Variants in FBXO45 observed in about 807,000 individuals in gnomAD.
FBXO45 encodes the protein F-box/SPRY domain-containing protein 1.
A neutral mutation model predicts 25.5 loss-of-function variants in FBXO45; 3 were observed. That is an observed-to-expected ratio of 0.12 (90% CI 0.05 to 0.30). The LOEUF is 0.30. Among genes scored for constraint, FBXO45 ranks in the 10% least tolerant of loss-of-function variants. The probability of loss-of-function intolerance (pLI) is 1.00; values close to 1 mark genes in which losing one functional copy is unlikely to be tolerated. For missense variants in FBXO45, 219 were observed against 365.0 expected (o/e 0.60, Z 3.26); for synonymous variants, 155 against 149.8 (o/e 1.03, Z -0.25).
At chr3:196,579,810 T>C (rs1735978116) in intron 2 of FBXO45, among the ~76,000 whole-genome samples, 1 of 152,226 alleles carries the variant, frequency 6.6e-6, no homozygotes, top group Non-Finnish European at 1.5e-5. Context: ...ATTTTGGAGC[T>C]CTGTTACTAC....
At chr3:196,573,187 G>A (rs930984133) in intron 1 of FBXO45, among the ~76,000 whole-genome samples, 2 of 152,152 alleles carry the variant, frequency 1.3e-5, no homozygotes, top group South Asian at 4.1e-4. Flanking sequence ...TTTTGGGAGA[G>A]CAGCATTTAC....
rs546690133 is a variant in FBXO45 at position 196,584,475 on chromosome 3, C to T, written c.*157C>T. The stretch of plus-strand genomic sequence containing the variant: ...GCAGCTCTACAGCAGAGATTATCTT[C>T]GTGTTTCCTCTTTCTACTGGGCCAG... On this transcript the variant is annotated 3_prime_UTR_variant, in exon 3 of 3. Coordinates refer to ENST00000311630, the MANE Select transcript of FBXO45 (RefSeq NM_001105573.2). The surrounding 1 kb of genome is among the most constrained non-coding windows in gnomAD (Gnocchi z 4.3). The T allele has an allele frequency of 6.5e-4, 420 of 643,676 alleles. No individual in the cohort carries two copies. The highest frequency in any genetic ancestry group is 1.4e-3 in the Middle Eastern group (5 of 3,638). 39.9% of individuals were successfully genotyped at this position (643,676 alleles called of 1,614,324 possible).
Position 196,569,269 on chromosome 3 carries a change from C to T in FBXO45, c.285C>T (p.Asp95=). The change falls in exon 1 of 3, where the codon GAC becomes GAT. Residue 95 remains aspartate, a synonymous_variant. Transcript: ENST00000311630. The surrounding 1 kb of genome is among the most constrained non-coding windows in gnomAD (Gnocchi z 4.1). ...RSLAEEALRT[D]ILCNLPSYKA... is the part of the protein sequence containing the mutation. ...TGGCAGAAGAGGCTCTGCGCACGGA[C>T]ATCCTGTGCAACCTGCCCAGCTACA... 6.3e-7 allele frequency: 1 copy of T among 1,581,898 alleles called. No homozygotes were observed. Among genetic ancestry groups the T allele is most frequent in the East Asian group, 2.3e-5 (1 of 43,144 alleles).
chr3:196,572,109 G>A (rs73219677), intron 1 of FBXO45, among the ~76,000 whole-genome samples: 2,206 of 152,282 alleles, frequency 0.014, 27 homozygotes, highest in Admixed American at 0.021. Context: ...TAAAGATGAG[G>A]AGGAGTTTAG....
intron 1 of FBXO45, among the ~76,000 whole-genome samples, chr3:196,571,759 AGG>A (rs1735830106): frequency 1.3e-5 from 2 of 152,256 alleles, no homozygotes; most frequent in African/African-American, 4.8e-5. Context: ...GAGATATTTT[AGG>A]TTTCTGAGGT....
At position 196,584,473 on chromosome 3, in the gene FBXO45, T is replaced by C; in HGVS notation, c.*155T>C. ...AAGCAGCTCTACAGCAGAGATTATC[T>C]TCGTGTTTCCTCTTTCTACTGGGCC... On this transcript the variant is annotated 3_prime_UTR_variant, in exon 3 of 3. Transcript: ENST00000311630. The surrounding 1 kb of genome is among the most constrained non-coding windows in gnomAD (Gnocchi z 4.3). 1 of 660,358 alleles carries C rather than the reference T, an allele frequency of 1.5e-6. No homozygotes were observed. 40.9% of individuals were successfully genotyped at this position (660,358 alleles called of 1,614,324 possible).
chr3:196,576,744 GGGA>G (rs1735920060), intron 1 of FBXO45, among the ~76,000 whole-genome samples: 1 of 152,164 alleles, frequency 6.6e-6, no homozygotes, highest in Non-Finnish European at 1.5e-5. Flanking sequence ...TGCTATCTAA[GGGA>G]TTATTTGATT....
At chr3:196,574,228 C>T (rs952823133) in intron 1 of FBXO45, among the ~76,000 whole-genome samples, 4 of 152,036 alleles carry the variant, frequency 2.6e-5, no homozygotes, top group Non-Finnish European at 5.9e-5. Context: ...CCACCATGCC[C>T]GGCCTATTTT....
intron 1 of FBXO45, among the ~76,000 whole-genome samples, chr3:196,574,755 G>A (rs1027171053): frequency 8.5e-5 from 13 of 152,182 alleles, no homozygotes; most frequent in Admixed American, 3.3e-4. Flanking sequence ...GCAAGCACCC[G>A]GCAGAGAGAG....
At chr3:196,581,049 G>T (rs1449574680) in intron 2 of FBXO45, among the ~76,000 whole-genome samples, 1 of 152,122 alleles carries the variant, frequency 6.6e-6, no homozygotes, top group East Asian at 1.9e-4. Flanking sequence ...GTCTCCCAAA[G>T]TGCTGGGATT....
At chr3:196,570,295 T>C (rs1437758913) in intron 1 of FBXO45, among the ~76,000 whole-genome samples, 1 of 146,738 alleles carries the variant, frequency 6.8e-6, no homozygotes, top group Admixed American at 6.9e-5. Flanking sequence ...CGGAGTGCAA[T>C]GGCGTGATCT....
In FBXO45 at chr3:196,569,206, G is replaced by A; in HGVS notation, c.222G>A (p.Glu74=). The change falls in exon 1 of 3, where the codon GAG becomes GAA. Residue 74 remains glutamate, a synonymous_variant. Transcript: ENST00000311630. This position sits in a 1 kb window ranked among gnomAD's most constrained non-coding sequence, Gnocchi z 4.1. ...KHWYRCLHGD[E]NSEVWRSLCA... ...GGTACCGCTGCCTGCACGGCGATGA[G>A]AACAGCGAGGTGTGGCGGAGCCTGT... The A allele has an allele frequency of 6.3e-7, 1 of 1,575,306 alleles. No individual in the cohort carries two copies. The highest frequency in any genetic ancestry group is 8.6e-7 in the Non-Finnish European group (1 of 1,161,324).
At chr3:196,575,993 C>T (rs9861944) in intron 1 of FBXO45, among the ~76,000 whole-genome samples, 121,969 of 152,180 alleles carry the variant, frequency 0.8, 49,268 homozygotes, top group East Asian at 0.97. Context: ...TTGAATCTTA[C>T]GTTTTGGTCT....
In FBXO45 at chr3:196,586,818, A is replaced by C. The variant is rs569513081; in HGVS notation, c.*2500A>C. The C allele has an allele frequency of 2.7e-4, 41 of 152,232 alleles. No homozygotes were observed. The highest frequency in any genetic ancestry group is 9.9e-4 in the African/African-American group (41 of 41,526). 9.4% of individuals were successfully genotyped at this position (152,232 alleles called of 1,614,324 possible). Reference sequence around the variant, plus strand: ...TGAGCTGGTCATAAGGATTTTTAAAAACTTTCTGGTCATTTCAATATGCTG... The same window carrying C: ...TGAGCTGGTCATAAGGATTTTTAAACACTTTCTGGTCATTTCAATATGCTG... On this transcript the variant is annotated 3_prime_UTR_variant, in exon 3 of 3. Coordinates refer to ENST00000311630, the MANE Select transcript of FBXO45 (RefSeq NM_001105573.2).
intron 2 of FBXO45, among the ~76,000 whole-genome samples, chr3:196,583,066 A>G (rs1353066456): frequency 6.6e-6 from 1 of 152,054 alleles, no homozygotes; most frequent in African/African-American, 2.4e-5. Context: ...ACAACTATAT[A>G]TATTTGAGTA....
At chr3:196,570,844 T>C (rs9875341) in intron 1 of FBXO45, among the ~76,000 whole-genome samples, 35,902 of 151,618 alleles carry the variant, frequency 0.24, 4,450 homozygotes, top group South Asian at 0.31. Context: ...CCTGAGTAGC[T>C]GGGATTACAG....
rs371670055 is a variant in FBXO45 at position 196,582,519 on chromosome 3, CAGGT to C, written c.676-1611_676-1608del. On this transcript the variant is annotated intron_variant, in intron 2 of 2. Coordinates refer to ENST00000311630, the MANE Select transcript of FBXO45 (RefSeq NM_001105573.2). Reference sequence around the variant, plus strand: ...AAATGACAATAGTAGGGGTTATAATCAGGTAGAATTAAATTTTGATTGCAAACAT... The same window carrying C: ...AAATGACAATAGTAGGGGTTATAATCAGAATTAAATTTTGATTGCAAACAT... Among the ~76,000 whole-genome samples, 307 of 152,134 alleles carry C rather than the reference CAGGT, an allele frequency of 2.0e-3. 2 individuals carry two copies. The highest frequency in any genetic ancestry group is 7.3e-3 in the African/African-American group (303 of 41,504).
chr3:196,578,043 A>ATTTTTTTTTTT (rs1196867210), intron 2 of FBXO45, among the ~76,000 whole-genome samples: 6 of 25,182 alleles, frequency 2.4e-4, no homozygotes, highest in African/African-American at 7.5e-4. Flanking sequence ...GCAGAAAAAT[A>ATTTTTTTTTTT]TTCTTTTTTT....
chr3:196,570,767 A>G (rs993026183), intron 1 of FBXO45, among the ~76,000 whole-genome samples: 1 of 139,530 alleles, frequency 7.2e-6, no homozygotes, highest in Admixed American at 7.8e-5. Flanking sequence ...GCTGGAGTGC[A>G]GTGGCGGGAT....
Sources: allele counts gnomAD v4.1 joint callset (sites outside exome capture counted in the v4.1 genomes callset), GRCh38; gene constraint gnomAD v4.1.1; non-coding constraint Gnocchi (gnomAD v3.1); transcripts MANE v1.5; gene names NCBI Gene and HGNC (gene_info 2026-07-23, HGNC 2026-07-21).